The following ITPRID1 variants were observed in gnomAD, a reference collection of about 807,000 sequenced individuals.
ITPRID1 encodes ITPR interacting domain containing 1.
In ITPRID1, 96 loss-of-function variants were observed where a neutral mutation model predicts 95.4. The observed-to-expected ratio is 1.01, with a 90% confidence interval of 0.85 to 1.19. The LOEUF (loss-of-function observed/expected upper bound fraction) is 1.19. ITPRID1 is among the 50% of genes most tolerant of loss of function. The pLI is 0.00. For synonymous variants in ITPRID1, 510 were observed against 453.6 expected, an observed-to-expected ratio of 1.12 and a Z score of -1.58; for missense variants, 1,339 against 1,252.9, an observed-to-expected ratio of 1.07 and a Z score of -1.04.
rs887846442 is a variant in ITPRID1, at chr7:31,554,599, C to T, written c.212+76C>T. 1.3e-4 allele frequency: 204 copies of T among 1,570,268 alleles called. 1 individual carries two copies. The Middle Eastern group carries it at 2.3e-3, about 18-fold the overall frequency. ...ATGAAAACAATGTGTGTAACTCTGCCTGGGCAAGGTCGGGGAAGTGTAGGG... is the reference window on the plus strand; with the variant it reads ...ATGAAAACAATGTGTGTAACTCTGCTTGGGCAAGGTCGGGGAAGTGTAGGG... On this transcript the variant is annotated intron_variant, in intron 4 of 14. Coordinates refer to ENST00000615280, the MANE Select transcript of ITPRID1 (RefSeq NM_001257967.3).
At chr7:31,583,695 A>G (rs192929294) in intron 10 of ITPRID1, among the ~76,000 whole-genome samples, 137 of 152,248 alleles carry the variant, frequency 9.0e-4, no homozygotes, top group African/African-American at 3.2e-3. Context: ...TTAAAAGACC[A>G]CAGAAACGTT....
chr7:31,568,329 T>TA, intron 5 of ITPRID1, among the ~76,000 whole-genome samples: 1 of 152,300 alleles, frequency 6.6e-6, no homozygotes, highest in South Asian at 2.1e-4. Context: ...ATAGACCCTC[T>TA]ACTCAGACAA....
intron 10 of ITPRID1, among the ~76,000 whole-genome samples, chr7:31,615,480 T>C (rs1395080595): frequency 1.3e-5 from 2 of 152,090 alleles, no homozygotes; most frequent in African/African-American, 4.8e-5. Context: ...TATGGACGCA[T>C]CTTGAAGTCA....
chr7:31,613,448 C>G (rs1035380774), intron 10 of ITPRID1, among the ~76,000 whole-genome samples: 1 of 152,112 alleles, frequency 6.6e-6, no homozygotes. Flanking sequence ...ACTTCCCTCT[C>G]TTTGTCTTTT....
chr7:31,605,684 CT>C (rs1363910752), intron 10 of ITPRID1, among the ~76,000 whole-genome samples: 1 of 152,182 alleles, frequency 6.6e-6, no homozygotes, highest in Non-Finnish European at 1.5e-5. Context: ...TATTAGGGTT[CT>C]TTCTCTCATA....
At chr7:31,628,750 C>A (rs536684157) in intron 10 of ITPRID1, among the ~76,000 whole-genome samples, 1 of 152,284 alleles carries the variant, frequency 6.6e-6, no homozygotes, top group Admixed American at 6.5e-5. Context: ...GCCACCGCGC[C>A]CGGCCTGAGC....
At chr7:31,621,003 A>G (rs1480814588) in intron 10 of ITPRID1, among the ~76,000 whole-genome samples, 2 of 152,030 alleles carry the variant, frequency 1.3e-5, no homozygotes, top group African/African-American at 2.4e-5. Context: ...AAGAAAGGGT[A>G]TCAGTGATGG....
At chr7:31,597,074 G>A (rs1786120069) in intron 10 of ITPRID1, among the ~76,000 whole-genome samples, 1 of 151,808 alleles carries the variant, frequency 6.6e-6, no homozygotes, top group Non-Finnish European at 1.5e-5. Flanking sequence ...AAATGTAATT[G>A]ATTCATAATT....
intron 10 of ITPRID1, among the ~76,000 whole-genome samples, chr7:31,594,182 A>G (rs1785980042): frequency 6.6e-6 from 1 of 152,222 alleles, no homozygotes; most frequent in Admixed American, 6.5e-5. Context: ...ACAGGTTTGC[A>G]GCCTGGGAGG....
chr7:31,630,510 G>T (rs1788896621), intron 10 of ITPRID1, among the ~76,000 whole-genome samples: 1 of 152,060 alleles, frequency 6.6e-6, no homozygotes, highest in Non-Finnish European at 1.5e-5. Flanking sequence ...TAGTAATGTT[G>T]AACTAATAAA....
Position 31,653,444 on chromosome 7 carries a change from A to T in ITPRID1, c.*615A>T. ...GGGCAGAGGAAGCAATCAGATATGC[A>T]TTTGTCTCGGGGGAGCAGAGGGATG... On this transcript the variant is annotated 3_prime_UTR_variant, in exon 15 of 15. Transcript: ENST00000615280. 6.6e-6 allele frequency: 1 copy of T among 151,876 alleles called. No individual in the cohort carries two copies. Among genetic ancestry groups the T allele is most frequent in the Non-Finnish European group, 1.5e-5 (1 of 68,236 alleles). The allele number at this position is 151,876 out of a possible 1,614,324, so 9.4% of individuals were successfully genotyped here. A position where few individuals can be genotyped will look rare whatever the true frequency, so the allele number is the denominator to read the frequency against.
At chr7:31,644,133 C>G (rs1376458928) in intron 12 of ITPRID1, among the ~76,000 whole-genome samples, 180 bp downstream of exon 12, 1 of 152,110 alleles carries the variant, frequency 6.6e-6, no homozygotes, top group Non-Finnish European at 1.5e-5. Context: ...CATTTCTTCT[C>G]GATACTTCCA....
rs754001337 is a variant in ITPRID1, at chr7:31,652,502, CTT to C, written c.2824-15_2824-14del. On this transcript the variant is annotated splice_polypyrimidine_tract_variant and intron_variant, in intron 14 of 14. Coordinates refer to ENST00000615280, the MANE Select transcript of ITPRID1 (RefSeq NM_001257967.3). ...TGATGTGCTGTTTACTCTTTTTCCT[CTT>C]GTTTTCCTTTTAGCAGCTGGAGGTT... 2.3e-5 allele frequency: 36 copies of C among 1,571,272 alleles called. No individual in the cohort carries two copies. The highest frequency in any genetic ancestry group is 3.6e-4 in the Middle Eastern group (2 of 5,546).
chr7:31,595,070 CTTTTTTTTT>C (rs958852739), intron 10 of ITPRID1, among the ~76,000 whole-genome samples: 55 of 127,442 alleles, frequency 4.3e-4, no homozygotes, highest in Non-Finnish European at 7.4e-4. Flanking sequence ...TTTATAATTT[CTTTTTTTTT>C]TTTTTTTTTT....
intron 10 of ITPRID1, among the ~76,000 whole-genome samples, chr7:31,630,243 G>C (rs1360996040): frequency 1.9e-4 from 1 of 5,358 alleles, no homozygotes; most frequent in African/African-American, 4.8e-4. Flanking sequence ...AGTCTACTTG[G>C]CAAAAAAAAA....
At chr7:31,583,074 A>G (rs1205319297) in intron 9 of ITPRID1, 60 bp from the exon 10 acceptor site, 1 of 1,240,172 alleles carries the variant, frequency 8.1e-7, no homozygotes, top group Non-Finnish European at 1.2e-6. Flanking sequence ...TATGTTGATT[A>G]AAATAAGTGA....
At chr7:31,561,944 A>G (rs1025594217) in intron 5 of ITPRID1, among the ~76,000 whole-genome samples, 18 of 151,806 alleles carry the variant, frequency 1.2e-4, no homozygotes, top group African/African-American at 4.1e-4. Flanking sequence ...TTTGAGGTCA[A>G]TAGTGGTGTT....
chr7:31,585,723 T>C (rs1785567864), intron 10 of ITPRID1, among the ~76,000 whole-genome samples: 1 of 152,168 alleles, frequency 6.6e-6, no homozygotes, highest in Non-Finnish European at 1.5e-5. Flanking sequence ...CCTATCACCT[T>C]ATAAAATCAT....
intron 1 of ITPRID1, among the ~76,000 whole-genome samples, chr7:31,519,645 T>TGTATAA (rs1554279848): frequency 1.7e-5 from 2 of 115,118 alleles, no homozygotes; most frequent in African/African-American, 7.1e-5. Flanking sequence ...TATATATATA[T>TGTATAA]AAATCTTATG....
Sources: gnomAD v4.1 joint callset for allele counts (sites outside exome capture counted in the v4.1 genomes callset) on GRCh38, gnomAD v4.1.1 for gene constraint, MANE v1.5 for transcripts, NCBI Gene and HGNC (gene_info 2026-07-23, HGNC 2026-07-21) for gene names.